CLK4: variants seen among roughly 807,000 people sequenced by gnomAD.
CLK4 encodes the protein dual specificity protein kinase CLK4.
CLK4 carries 37 observed loss-of-function variants against 64.4 expected under a neutral mutation model. The observed-to-expected ratio is 0.57, with a 90% CI of 0.44 to 0.76. The LOEUF (loss-of-function observed/expected upper bound fraction) is 0.76. Among genes scored for constraint, CLK4 ranks in the 30% least tolerant of loss-of-function variants. CLK4 has a pLI of 0.00. For synonymous variants in CLK4, 175 were observed against 191.6 expected, an observed-to-expected ratio of 0.91 and a Z score of 0.72; for missense variants, 457 against 605.1, an observed-to-expected ratio of 0.76 and a Z score of 2.57.
intron 1 of CLK4, 62 bp from the exon 2 acceptor site, chr5:178,623,478 T>A: frequency 2.3e-6 from 3 of 1,283,062 alleles, no homozygotes; most frequent in Non-Finnish European, 3.1e-6. Context: ...TAAATTATTA[T>A]ATATTAATAT....
intron 11 of CLK4, 117 bp from the exon 12 acceptor site, chr5:178,604,051 T>G: frequency 1.6e-6 from 1 of 625,426 alleles, no homozygotes; most frequent in Non-Finnish European, 2.7e-6. Context: ...ACTTATATAA[T>G]ATAGATGCAT....
chr5:178,617,482 A>G lies in CLK4; in HGVS notation c.385-48T>C. ...CCAAGATCGTCCAGCCAATCAATATATCAGAGTGAATTCAGGGCAGAATAC... is the reference window on the plus strand; with the variant it reads ...CCAAGATCGTCCAGCCAATCAATATGTCAGAGTGAATTCAGGGCAGAATAC... On this transcript the variant is annotated intron_variant, in intron 3 of 12. Transcript: ENST00000316308. This position sits in a 1 kb window ranked among gnomAD's most constrained non-coding sequence, Gnocchi z 5.2. 1 of 1,495,272 alleles carries G rather than the reference A, an allele frequency of 6.7e-7. No individual in the cohort carries two copies. The highest frequency in any genetic ancestry group is 9.3e-7 in the Non-Finnish European group (1 of 1,074,794). 92.6% of individuals were successfully genotyped at this position (1,495,272 alleles called of 1,614,324 possible).
intron 2 of CLK4, among the ~76,000 whole-genome samples, chr5:178,619,497 CT>C (rs1217215091): frequency 6.6e-6 from 1 of 152,190 alleles, no homozygotes; most frequent in Non-Finnish European, 1.5e-5. Context: ...ATATATCCCC[CT>C]AAAATAAGAA....
intron 10 of CLK4, 65 bp from the exon 11 acceptor site, chr5:178,605,447 A>C: frequency 2.0e-6 from 2 of 983,574 alleles, no homozygotes; most frequent in East Asian, 5.5e-5. Context: ...TAACTTGTTT[A>C]ATCTAAAATT....
At chr5:178,608,631 A>G (rs1054713752) in intron 9 of CLK4, among the ~76,000 whole-genome samples, 173 bp from the exon 10 acceptor site, 4 of 152,226 alleles carry the variant, frequency 2.6e-5, no homozygotes, top group African/African-American at 9.6e-5. Context: ...CACACTCCAT[A>G]GTCCATATGC....
intron 11 of CLK4, 99 bp from the exon 12 acceptor site, chr5:178,604,033 G>C: frequency 1.2e-6 from 1 of 828,390 alleles, no homozygotes; most frequent in Non-Finnish European, 1.9e-6. Context: ...CTCTCTCTAA[G>C]TGTATAGACT....
intron 2 of CLK4, chr5:178,622,967 G>A (rs868595884): frequency 1.9e-5 from 6 of 318,838 alleles, no homozygotes; most frequent in South Asian, 1.0e-4. Flanking sequence ...CCCTAATCAC[G>A]TTACTGGCAG....
At position 178,603,669 on chromosome 5, in the gene CLK4, G is replaced by A; in HGVS notation, c.1394C>T (p.Thr465Ile). 4 of 1,601,690 alleles carry A rather than the reference G, an allele frequency of 2.5e-6. No individual in the cohort carries two copies. The highest frequency in any genetic ancestry group is 3.4e-6 in the Non-Finnish European group (4 of 1,176,296). ...MLEYDPTQRI[T>I]LDEALQHPFF... ...AGGATGCTGCAATGCTTCATCCAAG[G>A]TAATTCTTTGAGTTGGATCATATTC... Residue 465 changes from threonine to isoleucine, a missense_variant, in exon 13 of 13, where the codon ACC (threonine) becomes ATC (isoleucine). Physicochemically the swap from Thr to Ile is moderately conservative, Grantham distance 89. Transcript: ENST00000316308.
intron 5 of CLK4, among the ~76,000 whole-genome samples, chr5:178,616,165 C>G (rs1764624208): frequency 6.6e-6 from 1 of 152,132 alleles, no homozygotes; most frequent in Admixed American, 6.5e-5. Flanking sequence ...TCTTGGCTCA[C>G]CGCAACCTCC....
rs367736635 is a variant in CLK4 at position 178,603,940 on chromosome 5, G to GAA, written c.1215-8_1215-7dup. 2.4e-3 allele frequency: 3,122 copies of GAA among 1,303,364 alleles called. No homozygotes were observed. Among genetic ancestry groups the GAA allele is most frequent in the South Asian group, 3.7e-3 (260 of 70,454 alleles). The allele number at this position is 1,303,364 out of a possible 1,614,324, so 80.7% of individuals were successfully genotyped here. A position where few individuals can be genotyped will look rare whatever the true frequency, so the allele number is the denominator to read the frequency against. ...GGTGAAAATACTTGCGTTTTCTACA[G>GAA]AAAAAAAAAAAAAGTCTGGATTAGT... On this transcript the variant is annotated splice_region_variant and splice_polypyrimidine_tract_variant and intron_variant, in intron 11 of 12. Transcript: ENST00000316308.
chr5:178,625,208 C>T (rs1764761784), intron 1 of CLK4, among the ~76,000 whole-genome samples: 1 of 152,024 alleles, frequency 6.6e-6, no homozygotes, highest in Non-Finnish European at 1.5e-5. Context: ...GACGCAGTGG[C>T]GCCTCATCCC....
chr5:178,614,119 A>T (rs1764594848), intron 5 of CLK4, among the ~76,000 whole-genome samples: 1 of 152,262 alleles, frequency 6.6e-6, no homozygotes, highest in Admixed American at 6.5e-5. Flanking sequence ...TTTAAAAGAT[A>T]TATACAAATG....
Position 178,605,362 on chromosome 5 carries a change from G to GTGCT in CLK4, c.1151_1154dup (p.His385GlnfsTer30). 1 of 1,592,432 alleles carries GTGCT rather than the reference G, an allele frequency of 6.3e-7. No individual in the cohort carries two copies. Among genetic ancestry groups the GTGCT allele is most frequent in the Non-Finnish European group, 8.5e-7 (1 of 1,171,852 alleles). ...CTAATATTCGTTCCATCATTGCCAG[G>GTGCT]TGCTCTTTACTATCATGAGTCTAAA... On this transcript the variant is annotated frameshift_variant, in exon 11 of 13. Coordinates refer to ENST00000316308, the MANE Select transcript of CLK4 (RefSeq NM_020666.3). LOFTEE classifies it high-confidence loss of function.
Position 178,612,493 on chromosome 5 carries a change from C to T in CLK4, c.974G>A (p.Gly325Glu). ...KNTDIKVVDF[G>E]SATYDDEHHS... is the part of the protein sequence containing the mutation. ...ATGTTCATCATCATACGTTGCACTT[C>T]CAAAGTCAACAACTTTGATATCTGT... is the stretch of plus-strand genomic sequence containing the variant. Residue 325 changes from glycine (G) to glutamate (E), a missense_variant, in exon 9 of 13, where the codon GGA becomes GAA. By Grantham distance (98) the Gly-to-Glu change is moderately conservative. Transcript: ENST00000316308. The T allele has an allele frequency of 6.2e-7, 1 of 1,613,940 alleles. No homozygotes were observed. Among genetic ancestry groups the T allele is most frequent in the Non-Finnish European group, 8.5e-7 (1 of 1,179,856 alleles).
At chr5:178,609,014 T>A (rs571154582) in intron 9 of CLK4, among the ~76,000 whole-genome samples, 8 of 152,272 alleles carry the variant, frequency 5.3e-5, no homozygotes, top group Non-Finnish European at 1.0e-4. Context: ...TAAGCAGAAA[T>A]TACAGACACA....
intron 1 of CLK4, among the ~76,000 whole-genome samples, chr5:178,623,720 G>C (rs945453016): frequency 1.3e-5 from 2 of 150,296 alleles, no homozygotes; most frequent in African/African-American, 4.9e-5. Context: ...CTTGCTAACT[G>C]CCTTTTTAAA....
Position 178,605,407 on chromosome 5 carries a change from T to G in CLK4, c.1135-25A>C, listed in dbSNP as rs370188010. The G allele has an allele frequency of 9.4e-5, 129 of 1,376,530 alleles. 1 individual carries two copies. The African/African-American group carries it at 1.3e-3, about 14-fold the overall frequency. 85.3% of individuals were successfully genotyped at this position (1,376,530 alleles called of 1,614,324 possible). On this transcript the variant is annotated intron_variant, in intron 10 of 12. Transcript: ENST00000316308. ...TCTAAAACATGTAAGAAAAAGAAAT[T>G]TAGTACTCTCCATTTCCCTACAAAC...
chr5:178,620,291 T>C (rs952155712), intron 2 of CLK4: 5 of 244,190 alleles, frequency 2.0e-5, no homozygotes, highest in Non-Finnish European at 4.2e-5. Context: ...ACCATACTCT[T>C]AAGGGCATCC....
intron 2 of CLK4, chr5:178,619,964 G>T (rs971052463): frequency 1.1e-5 from 5 of 457,068 alleles, no homozygotes; most frequent in Admixed American, 9.4e-5. Context: ...AAGCAATGGA[G>T]TGACGGATGT....
Sources: gnomAD v4.1 joint callset for allele counts (sites outside exome capture counted in the v4.1 genomes callset) on GRCh38, gnomAD v4.1.1 for gene constraint, Gnocchi (gnomAD v3.1) non-coding constraint, MANE v1.5 for transcripts, NCBI Gene and HGNC (gene_info 2026-07-23, HGNC 2026-07-21) for gene names.